Variants in RALY observed in about 807,000 individuals in gnomAD.
RALY encodes the protein RNA-binding protein Raly.
Under a neutral mutation model 30.7 loss-of-function variants are expected in RALY, and 15 were observed. The observed-to-expected ratio is 0.49, with a 90% CI of 0.33 to 0.75. The LOEUF is 0.75. Among genes scored for constraint, RALY ranks in the 30% least tolerant of loss-of-function variants. The probability of loss-of-function intolerance (pLI) is 0.02; values close to 1 mark genes in which losing one functional copy is unlikely to be tolerated. For missense variants in RALY, 339 were observed against 414.3 expected, an observed-to-expected ratio of 0.82 and a Z score of 1.58; for synonymous variants, 177 against 170.8, an observed-to-expected ratio of 1.04 and a Z score of -0.28.
At chr20:34,062,520 A>C (rs1288037164) in intron 2 of RALY, among the ~76,000 whole-genome samples, 1 of 152,220 alleles carries the variant, frequency 6.6e-6, no homozygotes, top group African/African-American at 2.4e-5. Flanking sequence ...AATCAGAAGA[A>C]CACTCTTATT....
At chr20:33,997,058 T>C (rs1031898669) in intron 1 of RALY, among the ~76,000 whole-genome samples, 2 of 152,178 alleles carry the variant, frequency 1.3e-5, no homozygotes. Flanking sequence ...TGATGTTCTG[T>C]ATCACTGAAG....
chr20:34,083,772 T>C lies in RALY; in HGVS notation c.*3867T>C, dbSNP rs1371984074. 2 of 152,248 alleles carry C rather than the reference T, an allele frequency of 1.3e-5. No homozygotes were observed. The highest frequency in any genetic ancestry group is 2.4e-5 in the African/African-American group (1 of 41,464). 9.4% of individuals were successfully genotyped at this position (152,248 alleles called of 1,614,324 possible). ...TCATAACCTGCCCCATAGGATGTTA[T>C]ATGCAGTAGGCCTGTCTGACAAGAC... On this transcript the variant is annotated 3_prime_UTR_variant, in exon 10 of 10. Coordinates refer to ENST00000246194, the MANE Select transcript of RALY (RefSeq NM_016732.3).
In RALY at chr20:34,083,821, A is replaced by G. The variant is rs1257806497; in HGVS notation, c.*3916A>G. ...ACCACAGAAATAGAGAAGGCAAAGCAGAGCAAAAGATTCTGAGCCAGGCAT... is the reference window on the plus strand; with the variant it reads ...ACCACAGAAATAGAGAAGGCAAAGCGGAGCAAAAGATTCTGAGCCAGGCAT... On this transcript the variant is annotated 3_prime_UTR_variant, in exon 10 of 10. Transcript: ENST00000246194. The G allele has an allele frequency of 1.3e-5, 2 of 152,288 alleles. No individual in the cohort carries two copies. Among genetic ancestry groups the G allele is most frequent in the Non-Finnish European group, 2.9e-5 (2 of 68,068 alleles). The allele number at this position is 152,288 out of a possible 1,614,324, so 9.4% of individuals were successfully genotyped here.
At chr20:34,002,779 A>G (rs969037552) in intron 1 of RALY, among the ~76,000 whole-genome samples, 2 of 152,180 alleles carry the variant, frequency 1.3e-5, no homozygotes, top group African/African-American at 4.8e-5. Flanking sequence ...GGACACCCAC[A>G]CAGTTCTCTG....
At chr20:34,010,051 A>G (rs1449603623) in intron 1 of RALY, among the ~76,000 whole-genome samples, 1 of 152,172 alleles carries the variant, frequency 6.6e-6, no homozygotes, top group African/African-American at 2.4e-5. Context: ...GTCTCGGCCT[A>G]TCTTAGGACT....
intron 1 of RALY, among the ~76,000 whole-genome samples, chr20:33,996,482 T>C (rs947647581): frequency 2.0e-5 from 3 of 152,130 alleles, no homozygotes; most frequent in African/African-American, 7.2e-5. Context: ...ATGAATTAAG[T>C]ACTATTATTA....
chr20:33,999,758 A>C (rs1046103482), intron 1 of RALY, among the ~76,000 whole-genome samples: 3 of 152,012 alleles, frequency 2.0e-5, no homozygotes, highest in African/African-American at 7.3e-5. Flanking sequence ...TGGATGGGGC[A>C]GGGCAGGGTA....
At chr20:34,071,674 C>T (rs1170872487) in intron 2 of RALY, among the ~76,000 whole-genome samples, 1 of 152,022 alleles carries the variant, frequency 6.6e-6, no homozygotes, top group Non-Finnish European at 1.5e-5. Context: ...AAATTTAGAT[C>T]CTGAATGGGA....
At position 34,062,628 on chromosome 20, in the gene RALY, T is replaced by C. The variant is rs148274272; in HGVS notation, c.-9-9438T>C. Among the ~76,000 whole-genome samples the C allele has an allele frequency of 1.2e-3, 187 of 152,286 alleles. 1 individual carries two copies. The highest frequency in any genetic ancestry group is 4.2e-3 in the African/African-American group (173 of 41,538). ...GGGTTTTCCTTGAGCTCCATCGGGG[T>C]TTCCAGTAATTGGAACATGGCACCT... On this transcript the variant is annotated intron_variant, in intron 2 of 9. Transcript: ENST00000246194.
At chr20:34,020,266 C>G (rs1373189721) in intron 1 of RALY, among the ~76,000 whole-genome samples, 1 of 152,166 alleles carries the variant, frequency 6.6e-6, no homozygotes, top group Non-Finnish European at 1.5e-5. Flanking sequence ...AGGATTAACT[C>G]CCATGGGGGT....
intron 1 of RALY, among the ~76,000 whole-genome samples, chr20:34,018,674 T>A (rs541931927): frequency 8.5e-6 from 1 of 117,978 alleles, no homozygotes; most frequent in East Asian, 2.9e-4. Flanking sequence ...AAATTTCTTT[T>A]GGTGTTTGTT....
chr20:34,069,408 C>G (rs2033665112), intron 2 of RALY, among the ~76,000 whole-genome samples: 1 of 152,146 alleles, frequency 6.6e-6, no homozygotes, highest in Admixed American at 6.5e-5. Context: ...TCAGCAAATG[C>G]TTCCTGCTCA....
In RALY at chr20:34,075,885, A is replaced by G. The variant is rs1555809904; in HGVS notation, c.389A>G (p.Tyr130Cys). The change falls in exon 6 of 10, where the codon TAC (tyrosine) becomes TGC (cysteine). Residue 130 changes from tyrosine (Y) to cysteine (C), a missense_variant. Around this residue, in one of 2 missense-constraint regions of RALY, gnomAD observed 268 missense variants for 280.6 expected, o/e 0.95. Transcript: ENST00000246194. ...RDDFYDRLFDYRGRLSPVPVP... is the reference protein window; with the variant it reads ...RDDFYDRLFDCRGRLSPVPVP... The stretch of plus-strand genomic sequence containing the variant: ...ATCTGCCCTCACAGGCTCTTCGACT[A>G]CCGGGGCCGTCTGTCGCCCGTGCCA... 1.2e-6 allele frequency: 2 copies of G among 1,613,282 alleles called. No individual in the cohort carries two copies. Among genetic ancestry groups the G allele is most frequent in the South Asian group, 2.2e-5 (2 of 90,996 alleles).
chr20:34,014,479 T>C (rs1410479531), intron 1 of RALY, among the ~76,000 whole-genome samples: 6 of 152,224 alleles, frequency 3.9e-5, no homozygotes, highest in Non-Finnish European at 8.8e-5. Context: ...TATGTATATG[T>C]ATTATAATTT....
rs1321779534 is a variant in RALY at position 33,994,055 on chromosome 20, C to T, written c.-169C>T. On this transcript the variant is annotated 5_prime_UTR_variant, in exon 1 of 10. Transcript: ENST00000246194. ...TTCCCGCCGCAGCCGCCCTTTTCCTCCCTCCCTTACGTCCCCGAGTGCGGC... is the reference window on the plus strand; with the variant it reads ...TTCCCGCCGCAGCCGCCCTTTTCCTTCCTCCCTTACGTCCCCGAGTGCGGC... 3 of 152,298 alleles carry T rather than the reference C, an allele frequency of 2.0e-5. No individual in the cohort carries two copies. Among genetic ancestry groups the T allele is most frequent in the Non-Finnish European group, 4.4e-5 (3 of 68,102 alleles). The allele number at this position is 152,298 out of a possible 1,614,324, so 9.4% of individuals were successfully genotyped here. A position where few individuals can be genotyped will look rare whatever the true frequency, so the allele number is the denominator to read the frequency against.
chr20:34,071,512 T>C (rs1238084850), intron 2 of RALY, among the ~76,000 whole-genome samples: 1 of 151,960 alleles, frequency 6.6e-6, no homozygotes, highest in African/African-American at 2.4e-5. Flanking sequence ...CTCCTGACCT[T>C]AGGTGATGCA....
At chr20:34,057,786 AG>A (rs971668286) in intron 2 of RALY, among the ~76,000 whole-genome samples, 1 of 152,008 alleles carries the variant, frequency 6.6e-6, no homozygotes, top group African/African-American at 2.4e-5. Context: ...GAATGGAGAG[AG>A]GGGGGCTACA....
intron 5 of RALY, among the ~76,000 whole-genome samples, chr20:34,074,617 G>T (rs1387729379): frequency 6.6e-6 from 1 of 152,120 alleles, no homozygotes; most frequent in Non-Finnish European, 1.5e-5. Context: ...CTTAGCCTGG[G>T]GGTCAGAAGA....
chr20:34,000,800 TTGAC>T (rs1351261852), intron 1 of RALY, among the ~76,000 whole-genome samples: 1 of 152,226 alleles, frequency 6.6e-6, no homozygotes, highest in Non-Finnish European at 1.5e-5. Context: ...ACCAATGAGT[TTGAC>T]TGGGGAAAAT....
Sources: allele counts gnomAD v4.1 joint callset (sites outside exome capture counted in the v4.1 genomes callset), GRCh38; gene constraint gnomAD v4.1.1; regional missense constraint gnomAD v4.1.1; transcripts MANE v1.5; gene names NCBI Gene and HGNC (gene_info 2026-07-23, HGNC 2026-07-21).